NUP210L: variants seen among roughly 807,000 people sequenced by gnomAD.
NUP210L encodes the protein nucleoporin 210 like.
Under a neutral mutation model 208.5 loss-of-function variants are expected in NUP210L, and 74 were observed. The observed-to-expected ratio is 0.35, with a 90% CI of 0.29 to 0.43. The LOEUF (loss-of-function observed/expected upper bound fraction) is 0.43. Among genes scored for constraint, NUP210L ranks in the 20% least tolerant of loss-of-function variants. The pLI is 1.00. For synonymous variants in NUP210L, 780 were observed against 816.9 expected (o/e 0.95, Z 0.77); for missense variants, 1,843 against 2,289.4 (o/e 0.81, Z 3.98).
intron 13 of NUP210L, among the ~76,000 whole-genome samples, chr1:154,102,175 A>T (rs142367492): frequency 2.6e-5 from 4 of 152,268 alleles, no homozygotes; most frequent in African/African-American, 9.6e-5. Flanking sequence ...AAAATTAAAT[A>T]AAAATAAATA....
chr1:154,154,361 A>C (rs1659577853), intron 1 of NUP210L, among the ~76,000 whole-genome samples: 2 of 152,196 alleles, frequency 1.3e-5, no homozygotes, highest in African/African-American at 4.8e-5. Context: ...GTTGTGTTTT[A>C]AGTCCTTCTC....
intron 12 of NUP210L, among the ~76,000 whole-genome samples, chr1:154,115,230 T>C (rs543128300): frequency 6.6e-6 from 1 of 152,318 alleles, no homozygotes; most frequent in South Asian, 2.1e-4. Context: ...ACCATACCAT[T>C]GACCTGTTAA....
chr1:154,055,123 T>TTTTCTTTCTTTCTTTCTTTC (rs533438783), intron 23 of NUP210L, among the ~76,000 whole-genome samples: 5 of 117,140 alleles, frequency 4.3e-5, no homozygotes, highest in Admixed American at 9.6e-5. Context: ...TCTTTCTTTC[T>TTTTCTTTCTTTCTTTCTTTC]TTTCTTTCTT....
At chr1:154,150,330 C>T (rs1311045338) in intron 2 of NUP210L, among the ~76,000 whole-genome samples, 3 of 151,902 alleles carry the variant, frequency 2.0e-5, no homozygotes, top group Non-Finnish European at 2.9e-5. Flanking sequence ...GTGGAGATCA[C>T]GTCATTGCAC....
chr1:154,142,804 G>A (rs998691646), intron 3 of NUP210L, among the ~76,000 whole-genome samples: 9 of 152,038 alleles, frequency 5.9e-5, no homozygotes, highest in Non-Finnish European at 8.8e-5. Context: ...CACAAGAATC[G>A]CCTGAAGCGG....
At chr1:154,003,988 C>T (rs1001450807) in intron 35 of NUP210L, among the ~76,000 whole-genome samples, 1 of 151,720 alleles carries the variant, frequency 6.6e-6, no homozygotes, top group East Asian at 1.9e-4. Flanking sequence ...CCTTACTAGT[C>T]TGGTCCAGAC....
At chr1:154,139,512 T>A (rs1468254177) in intron 5 of NUP210L, among the ~76,000 whole-genome samples, 1 of 152,094 alleles carries the variant, frequency 6.6e-6, no homozygotes, top group African/African-American at 2.4e-5. Flanking sequence ...ATATTTTCCA[T>A]AGGCAAGACT....
chr1:154,126,291 T>G (rs763043487), intron 10 of NUP210L, 32 bp downstream of exon 10: 1 of 1,594,170 alleles, frequency 6.3e-7, no homozygotes, highest in South Asian at 1.1e-5. Context: ...TCAGTGTTCT[T>G]AGAATACAAA....
chr1:154,096,023 G>A (rs570516304), intron 14 of NUP210L, among the ~76,000 whole-genome samples: 1 of 152,156 alleles, frequency 6.6e-6, no homozygotes, highest in Non-Finnish European at 1.5e-5. Context: ...GTATACATGC[G>A]CCATGGTGGT....
chr1:153,995,301 G>C, intron 37 of NUP210L, 121 bp from the exon 38 acceptor site: 1 of 684,448 alleles, frequency 1.5e-6, no homozygotes, highest in African/African-American at 1.8e-5. Context: ...CCCCAGGCTG[G>C]AGGGCAGTGG....
intron 12 of NUP210L, among the ~76,000 whole-genome samples, chr1:154,112,643 C>G (rs1258935194): frequency 6.6e-6 from 1 of 151,890 alleles, no homozygotes. Context: ...ATCGCTTGAG[C>G]CCAGGAGTTC....
At position 154,012,133 on chromosome 1, in the gene NUP210L, T is replaced by C. The variant is rs927136406; in HGVS notation, c.4780+111A>G. 61 of 1,035,128 alleles carry C rather than the reference T, an allele frequency of 5.9e-5. No homozygotes were observed. The African/African-American group carries it at 8.2e-4, about 14-fold the overall frequency. The allele number at this position is 1,035,128 out of a possible 1,614,324, so 64.1% of individuals were successfully genotyped here. On this transcript the variant is annotated intron_variant, in intron 34 of 39. Transcript: ENST00000368559. Reference sequence around the variant, plus strand: ...CTATGATTTATTTGTCAAGATGGAGTCAGTTTTGAAATAAAAAGAAAATCT... The same window carrying C: ...CTATGATTTATTTGTCAAGATGGAGCCAGTTTTGAAATAAAAAGAAAATCT...
intron 23 of NUP210L, among the ~76,000 whole-genome samples, chr1:154,055,065 T>C (rs1348653244): frequency 6.6e-6 from 1 of 152,104 alleles, no homozygotes; most frequent in African/African-American, 2.4e-5. Context: ...CATGCCTGAC[T>C]AATTTCTTTC....
intron 23 of NUP210L, 95 bp downstream of exon 23, chr1:154,056,720 A>G (rs1412213529): frequency 1.6e-5 from 21 of 1,297,742 alleles, no homozygotes; most frequent in Non-Finnish European, 1.0e-6. Flanking sequence ...GTGCCCAGCC[A>G]GTCAAATGAT....
At chr1:154,142,304 T>A (rs1658889708) in intron 3 of NUP210L, among the ~76,000 whole-genome samples, 1 of 152,044 alleles carries the variant, frequency 6.6e-6, no homozygotes, top group South Asian at 2.1e-4. Context: ...TACTTCAACC[T>A]CGGCCTCCCA....
chr1:154,122,636 C>G lies in NUP210L; in HGVS notation c.1326+3687G>C, dbSNP rs182769943. ...TGCCACTGCACTCTAGTCTGGGAAACAGAGCAAAACTCCGTCTCAAAGAAA... is the reference window on the plus strand; with the variant it reads ...TGCCACTGCACTCTAGTCTGGGAAAGAGAGCAAAACTCCGTCTCAAAGAAA... On this transcript the variant is annotated intron_variant, in intron 10 of 39. Coordinates refer to ENST00000368559, the Ensembl canonical transcript of NUP210L. 3.3e-5 allele frequency among the ~76,000 whole-genome samples: 5 copies of G among 152,178 alleles called. No homozygotes were observed. The East Asian group carries it at 7.7e-4, about 24-fold the overall frequency.
chr1:154,142,485 G>T (rs887917476), intron 3 of NUP210L, among the ~76,000 whole-genome samples: 1 of 151,968 alleles, frequency 6.6e-6, no homozygotes, highest in Non-Finnish European at 1.5e-5. Context: ...AATTCTCCTG[G>T]TCTATAGAAA....
intron 34 of NUP210L, among the ~76,000 whole-genome samples, chr1:154,011,057 G>A (rs1229795261): frequency 3.9e-5 from 6 of 151,968 alleles, no homozygotes; most frequent in Admixed American, 3.9e-4. Context: ...ACAGCAAGAA[G>A]TGGACTGTTG....
chr1:154,118,653 C>A lies in NUP210L; in HGVS notation c.1464+18G>T. The A allele has an allele frequency of 6.8e-7, 1 of 1,479,042 alleles. No homozygotes were observed. The highest frequency in any genetic ancestry group is 9.0e-7 in the Non-Finnish European group (1 of 1,105,962). The allele number at this position is 1,479,042 out of a possible 1,614,324, so 91.6% of individuals were successfully genotyped here. ...GAAACCGGCTTATCTCCTTGTGAAG[C>A]CTTATAGGACACCATACCTGTACTT... On this transcript the variant is annotated intron_variant, in intron 11 of 39. Transcript: ENST00000368559.
Sources: gnomAD v4.1 joint callset for allele counts (sites outside exome capture counted in the v4.1 genomes callset) on GRCh38, gnomAD v4.1.1 for gene constraint, MANE v1.5 for transcripts, NCBI Gene and HGNC (gene_info 2026-07-23, HGNC 2026-07-21) for gene names.